Variants in CUL3 observed in about 807,000 individuals in gnomAD.
The protein encoded by CUL3 is cullin-3.
Under a neutral mutation model 89.1 loss-of-function variants are expected in CUL3, and 19 were observed. That is an observed-to-expected ratio of 0.21 (90% CI 0.15 to 0.31). The LOEUF (loss-of-function observed/expected upper bound fraction) is 0.31. CUL3 is among the 10% of genes least tolerant of loss of function. The pLI, the probability that CUL3 is intolerant of heterozygous loss-of-function variation, is 1.00. For missense variants in CUL3, 469 were observed against 942.3 expected, an observed-to-expected ratio of 0.50 and a Z score of 6.58; for synonymous variants, 351 against 308.4, an observed-to-expected ratio of 1.14 and a Z score of -1.45.
At chr2:224,484,133 T>C (rs1290863252) in intron 13 of CUL3, among the ~76,000 whole-genome samples, 1 of 152,118 alleles carries the variant, frequency 6.6e-6, no homozygotes, top group African/African-American at 2.4e-5. Flanking sequence ...ATAATACCAC[T>C]GCACTCCAGT....
intron 7 of CUL3, 32 bp from the exon 8 acceptor site, chr2:224,506,164 T>A (rs941867548): frequency 6.9e-7 from 1 of 1,443,310 alleles, no homozygotes; most frequent in Non-Finnish European, 9.3e-7. Context: ...TAGGACACAT[T>A]ATAATAATTT....
chr2:224,493,536 T>TA (rs1372616738), intron 13 of CUL3, among the ~76,000 whole-genome samples: 1 of 152,234 alleles, frequency 6.6e-6, no homozygotes, highest in Non-Finnish European at 1.5e-5. Context: ...TTGGAAAACT[T>TA]ACAGATATTC....
At chr2:224,490,872 C>T (rs1270609135) in intron 13 of CUL3, among the ~76,000 whole-genome samples, 1 of 152,090 alleles carries the variant, frequency 6.6e-6, no homozygotes, top group African/African-American at 2.4e-5. Flanking sequence ...ATTTTCATAA[C>T]ACAAATAATG....
At chr2:224,549,781 A>G (rs925434162) in intron 2 of CUL3, among the ~76,000 whole-genome samples, 1 of 152,144 alleles carries the variant, frequency 6.6e-6, no homozygotes, top group African/African-American at 2.4e-5. Context: ...AACATGCCCA[A>G]AAGTAGCAAA....
intron 3 of CUL3, among the ~76,000 whole-genome samples, chr2:224,518,480 G>A (rs1241283903): frequency 6.6e-6 from 1 of 152,008 alleles, no homozygotes; most frequent in African/African-American, 2.4e-5. Flanking sequence ...TTTCTTGGGT[G>A]GATTCTAAGA....
At chr2:224,482,835 T>C (rs1460046799) in intron 13 of CUL3, among the ~76,000 whole-genome samples, 1 of 152,198 alleles carries the variant, frequency 6.6e-6, no homozygotes, top group Non-Finnish European at 1.5e-5. Flanking sequence ...TATAGTGATA[T>C]GTGATTGAGT....
intron 3 of CUL3, among the ~76,000 whole-genome samples, chr2:224,519,989 C>G (rs540016135): frequency 1.3e-5 from 2 of 151,056 alleles, no homozygotes; most frequent in Non-Finnish European, 3.0e-5. Context: ...AGGCTTTGAC[C>G]AAAATGTAGT....
intron 1 of CUL3, among the ~76,000 whole-genome samples, chr2:224,570,807 T>C (rs562860143): frequency 1.3e-5 from 2 of 152,304 alleles, no homozygotes; most frequent in Non-Finnish European, 1.5e-5. Flanking sequence ...GGTTCAATTA[T>C]GATTTGCATT....
intron 3 of CUL3, among the ~76,000 whole-genome samples, chr2:224,534,002 A>C (rs1350969419): frequency 6.6e-6 from 1 of 152,190 alleles, no homozygotes; most frequent in African/African-American, 2.4e-5. Context: ...AACTAGGACA[A>C]GCTCTCATCA....
intron 15 of CUL3, among the ~76,000 whole-genome samples, chr2:224,475,380 G>A (rs892269858): frequency 7.9e-5 from 12 of 152,094 alleles, no homozygotes; most frequent in Non-Finnish European, 1.2e-4. Flanking sequence ...AAATAAAGCC[G>A]GAGAAGAAAA....
chr2:224,568,702 T>C (rs1188027369), intron 1 of CUL3, among the ~76,000 whole-genome samples: 2 of 152,232 alleles, frequency 1.3e-5, no homozygotes, highest in Non-Finnish European at 2.9e-5. Context: ...TCATTAATTT[T>C]ACTAATAAAT....
chr2:224,502,392 T>C (rs552470149), intron 10 of CUL3, among the ~76,000 whole-genome samples: 1 of 152,178 alleles, frequency 6.6e-6, no homozygotes, highest in Non-Finnish European at 1.5e-5. Flanking sequence ...AAAACTCCCA[T>C]CAGACTCCAA....
chr2:224,577,153 C>T (rs1052567128), intron 1 of CUL3, among the ~76,000 whole-genome samples: 22 of 152,186 alleles, frequency 1.4e-4, no homozygotes, highest in African/African-American at 5.3e-4. Context: ...TAACTATCTG[C>T]TAAGTTCTAT....
chr2:224,578,612 T>TA (rs1443781529), intron 1 of CUL3, among the ~76,000 whole-genome samples: 1 of 152,172 alleles, frequency 6.6e-6, no homozygotes, highest in Non-Finnish European at 1.5e-5. Flanking sequence ...AAGACACTGA[T>TA]AGACTAATAA....
At chr2:224,584,889 C>G in intron 1 of CUL3, 55 bp downstream of exon 1, 1 of 1,346,984 alleles carries the variant, frequency 7.4e-7, no homozygotes, top group Non-Finnish European at 9.9e-7. Flanking sequence ...GCCTCGCGTG[C>G]GGCTCTCGGC....
At chr2:224,563,928 G>A (rs1468457201) in intron 1 of CUL3, among the ~76,000 whole-genome samples, 1 of 152,078 alleles carries the variant, frequency 6.6e-6, no homozygotes, top group Non-Finnish European at 1.5e-5. Flanking sequence ...AAGTGAAAAG[G>A]TGAAAGTTCT....
intron 2 of CUL3, among the ~76,000 whole-genome samples, chr2:224,555,727 T>C (rs1694674159): frequency 6.6e-6 from 1 of 152,194 alleles, no homozygotes. Flanking sequence ...TGGAATGCCT[T>C]CCACCACACT....
intron 13 of CUL3, chr2:224,495,072 C>T (rs1419549527): frequency 6.6e-6 from 1 of 151,624 alleles, no homozygotes; most frequent in South Asian, 2.1e-4. Flanking sequence ...AAACACTTCA[C>T]CAAACAAGAT....
At chr2:224,493,532 A>G (rs1574625129) in intron 13 of CUL3, among the ~76,000 whole-genome samples, 1 of 152,210 alleles carries the variant, frequency 6.6e-6, no homozygotes, top group East Asian at 1.9e-4. Context: ...AAAGTTGGAA[A>G]ACTTACAGAT....
Sources: allele counts gnomAD v4.1 joint callset (sites outside exome capture counted in the v4.1 genomes callset), GRCh38; gene constraint gnomAD v4.1.1; transcripts MANE v1.5; gene names NCBI Gene and HGNC (gene_info 2026-07-23, HGNC 2026-07-21).